Variants in ZNF385D observed in about 807,000 individuals in gnomAD.
The protein encoded by ZNF385D is zinc finger protein 659.
ZNF385D carries 15 observed loss-of-function variants against 35.8 expected under a neutral mutation model. The ratio of observed to expected loss-of-function variants is 0.42; its 90% CI spans 0.28 to 0.64. ZNF385D has a LOEUF of 0.64. Among genes scored for constraint, ZNF385D ranks in the 30% least tolerant of loss-of-function variants. The pLI, the probability that ZNF385D is intolerant of heterozygous loss-of-function variation, is 0.23. For missense variants in ZNF385D, 474 were observed against 494.6 expected (o/e 0.96, Z 0.39); for synonymous variants, 212 against 186.8 (o/e 1.13, Z -1.10).
intron 3 of ZNF385D, chr3:21,849,627 T>TTTTTTC (rs1553684558): frequency 4.3e-5 from 5 of 116,890 alleles, no homozygotes; most frequent in Non-Finnish European, 7.4e-5. Flanking sequence ...TTTTTTTTTT[T>TTTTTTC]CTACCACCAT....
At chr3:21,464,417 C>T (rs2125322047) in intron 4 of ZNF385D, among the ~76,000 whole-genome samples, 1 of 152,218 alleles carries the variant, frequency 6.6e-6, no homozygotes, top group East Asian at 1.9e-4. Flanking sequence ...ATATATTTCT[C>T]TGCTTTCTCA....
At chr3:22,274,127 A>G (rs1701310979) in intron 2 of ZNF385D, among the ~76,000 whole-genome samples, 2 of 151,882 alleles carry the variant, frequency 1.3e-5, no homozygotes, top group South Asian at 2.1e-4. Flanking sequence ...GGGCACATCT[A>G]AAGTAGATTT....
In ZNF385D at chr3:21,424,074, G is replaced by T. The variant is rs1378291964; in HGVS notation, c.853-10C>A. On this transcript the variant is annotated splice_polypyrimidine_tract_variant and intron_variant, in intron 6 of 7. Transcript: ENST00000281523. ...TTCTACTGCTAATGTGCTATTAAAA[G>T]TAATTTAAAATGACAGCTTTAAAAA... The T allele has an allele frequency of 6.4e-7, 1 of 1,554,176 alleles. No individual in the cohort carries two copies. Among genetic ancestry groups the T allele is most frequent in the Non-Finnish European group, 8.6e-7 (1 of 1,158,090 alleles).
chr3:22,135,818 T>A (rs540108337), intron 3 of ZNF385D, among the ~76,000 whole-genome samples: 12 of 152,088 alleles, frequency 7.9e-5, no homozygotes, highest in Non-Finnish European at 1.8e-4. Context: ...AGTCCAGAAA[T>A]TGACCCACAC....
chr3:22,295,440 T>A (rs1484203036), intron 2 of ZNF385D, among the ~76,000 whole-genome samples: 1 of 148,662 alleles, frequency 6.7e-6, no homozygotes, highest in East Asian at 2.0e-4. Flanking sequence ...AAGAGAATTA[T>A]AACAAATTTT....
intron 2 of ZNF385D, among the ~76,000 whole-genome samples, chr3:21,627,680 T>C (rs1289496351): frequency 1.3e-5 from 2 of 152,072 alleles, no homozygotes; most frequent in African/African-American, 4.8e-5. Flanking sequence ...CCTTAGGCAA[T>C]GTGCAATAGT....
intron 4 of ZNF385D, among the ~76,000 whole-genome samples, chr3:21,477,063 A>G (rs1326398671): frequency 6.6e-6 from 1 of 152,132 alleles, no homozygotes; most frequent in African/African-American, 2.4e-5. Flanking sequence ...CTTGTGCCTA[A>G]TACACTAAAT....
rs1188444412 is a variant in ZNF385D at position 21,511,003 on chromosome 3, G to A, written c.297C>T (p.Tyr99=). The part of the protein sequence containing the change: ...FNSDSQAAAH[Y]KGTKHAKKLK... ...GCTTCTTGGCATGTTTCGTGCCTTT[G>A]TAGTGGGCCGCAGCCTGGCTCTACA... The change falls in exon 4 of 8, where the codon TAC becomes TAT. Residue 99 remains tyrosine, a synonymous_variant. Coordinates refer to ENST00000281523, the MANE Select transcript of ZNF385D (RefSeq NM_024697.3). 3 of 1,614,018 alleles carry A rather than the reference G, an allele frequency of 1.9e-6. No individual in the cohort carries two copies. In the African/African-American group the frequency reaches 4.0e-5, roughly 22 times the overall value.
chr3:22,307,301 T>C (rs191690890), intron 2 of ZNF385D, among the ~76,000 whole-genome samples: 2 of 152,220 alleles, frequency 1.3e-5, no homozygotes, highest in Non-Finnish European at 2.9e-5. Flanking sequence ...ATTAGAGTCA[T>C]AATGGAGAAA....
chr3:21,872,861 T>A (rs1697765034), intron 3 of ZNF385D, among the ~76,000 whole-genome samples: 1 of 152,154 alleles, frequency 6.6e-6, no homozygotes, highest in African/African-American at 2.4e-5. Context: ...GGGTATACAG[T>A]TGATAATGTT....
rs546647435 is a variant in ZNF385D at position 21,949,433 on chromosome 3, T to G, written c.325+219384A>C. On this transcript the variant is annotated intron_variant, in intron 3 of 5. Transcript: ENST00000494108. ...TTTATTGTTGGGCCTCTCAGTGGAG[T>G]GTAGGTGTATTTGAATGCTATTGAG... Among the ~76,000 whole-genome samples, 71 of 152,100 alleles carry G rather than the reference T, an allele frequency of 4.7e-4. 1 individual carries two copies. In the Middle Eastern group the frequency reaches 0.01, roughly 22 times the overall value.
chr3:22,331,073 G>A (rs371775230), intron 2 of ZNF385D, among the ~76,000 whole-genome samples: 27 of 152,230 alleles, frequency 1.8e-4, no homozygotes, highest in Admixed American at 5.2e-4. Flanking sequence ...TTGCAGCAGG[G>A]AATGTTTATT....
chr3:22,218,936 G>A (rs13096851), intron 2 of ZNF385D, among the ~76,000 whole-genome samples: 181 of 152,196 alleles, frequency 1.2e-3, no homozygotes, highest in Middle Eastern at 3.4e-3. Context: ...ATGTTAGACT[G>A]TAAGGATCTA....
At chr3:21,881,001 G>C (rs1698249627) in intron 3 of ZNF385D, among the ~76,000 whole-genome samples, 1 of 151,912 alleles carries the variant, frequency 6.6e-6, no homozygotes, top group Non-Finnish European at 1.5e-5. Context: ...AGGAAGCTGT[G>C]GAAGAAAAGT....
chr3:22,147,069 G>C (rs1012052004), intron 3 of ZNF385D, among the ~76,000 whole-genome samples: 1 of 152,196 alleles, frequency 6.6e-6, no homozygotes, highest in Non-Finnish European at 1.5e-5. Context: ...TAAAGGTATA[G>C]TAGTAAATAT....
intron 3 of ZNF385D, among the ~76,000 whole-genome samples, chr3:22,073,041 C>CAA (rs1700301940): frequency 6.6e-6 from 1 of 151,900 alleles, no homozygotes; most frequent in Admixed American, 6.6e-5. Context: ...CCAAACACCT[C>CAA]AAGTCACCAT....
chr3:21,601,520 C>T (rs1024768993), intron 2 of ZNF385D, among the ~76,000 whole-genome samples: 12 of 152,138 alleles, frequency 7.9e-5, no homozygotes, highest in African/African-American at 2.9e-4. Context: ...CATATGGCCT[C>T]CTTTGCTAAT....
rs116796228 is a variant in ZNF385D, at chr3:21,802,039, C to T, written c.326-137011G>A. Among the ~76,000 whole-genome samples, 294 of 152,122 alleles carry T rather than the reference C, an allele frequency of 1.9e-3. 1 individual carries two copies. The highest frequency in any genetic ancestry group is 6.7e-3 in the African/African-American group (278 of 41,500). On this transcript the variant is annotated intron_variant, in intron 3 of 5. Transcript: ENST00000494108. ...TACAGTTTTCAACTTTTATAGGAGACGGGGCAGATTTCTTAAACTACATCT... is the reference window on the plus strand; with the variant it reads ...TACAGTTTTCAACTTTTATAGGAGATGGGGCAGATTTCTTAAACTACATCT...
At chr3:21,849,105 T>C (rs1302283266) in intron 3 of ZNF385D, among the ~76,000 whole-genome samples, 1 of 152,072 alleles carries the variant, frequency 6.6e-6, no homozygotes, top group Non-Finnish European at 1.5e-5. Context: ...GCCTATAATA[T>C]TGGTACTTGG....
Sources: gnomAD v4.1 joint callset for allele counts (sites outside exome capture counted in the v4.1 genomes callset) on GRCh38, gnomAD v4.1.1 for gene constraint, MANE v1.5 for transcripts, NCBI Gene and HGNC (gene_info 2026-07-23, HGNC 2026-07-21) for gene names.